PRKCI: variants seen among roughly 807,000 people sequenced by gnomAD.
PRKCI encodes the protein protein kinase C iota.
Under a neutral mutation model 84.0 loss-of-function variants are expected in PRKCI, and 43 were observed. The ratio of observed to expected loss-of-function variants is 0.51; its 90% CI spans 0.40 to 0.66. PRKCI has a LOEUF of 0.66. PRKCI is among the 30% of genes least tolerant of loss of function. The pLI is 0.00. For synonymous variants in PRKCI, 216 were observed against 234.4 expected (o/e 0.92, Z 0.72); for missense variants, 459 against 745.6 (o/e 0.62, Z 4.48).
intron 2 of PRKCI, among the ~76,000 whole-genome samples, chr3:170,249,309 G>A (rs562317865): frequency 6.6e-6 from 1 of 151,932 alleles, no homozygotes; most frequent in South Asian, 2.1e-4. Context: ...AGGGAAATTT[G>A]GACTTAAGGT....
Position 170,281,168 on chromosome 3 carries a change from T to C in PRKCI, c.885T>C (p.Asp295=). 1 of 1,611,716 alleles carries C rather than the reference T, an allele frequency of 6.2e-7. No homozygotes were observed. Residue 295 remains aspartate, a splice_region_variant and synonymous_variant, in exon 10 of 18, where the codon GAT becomes GAC. Transcript: ENST00000295797. ...VKKELVNDDE[D]IDWVQTEKHV... ...ATTTCTTACATGTTTCAAAATAGGA[T>C]ATTGATTGGGTACAGACAGAGAAGC...
chr3:170,246,494 A>G (rs551289655), intron 2 of PRKCI, among the ~76,000 whole-genome samples: 4 of 151,770 alleles, frequency 2.6e-5, no homozygotes, highest in African/African-American at 7.2e-5. Flanking sequence ...GAGTCTTGCT[A>G]TGTTGCCCAG....
At chr3:170,238,935 A>G (rs565289009) in intron 2 of PRKCI, among the ~76,000 whole-genome samples, 42 of 151,048 alleles carry the variant, frequency 2.8e-4, no homozygotes, top group African/African-American at 7.3e-4. Flanking sequence ...GGTTCTCACT[A>G]TGTTGCCCAG....
At chr3:170,274,652 G>GT (rs1418741682) in intron 7 of PRKCI, among the ~76,000 whole-genome samples, 1 of 152,056 alleles carries the variant, frequency 6.6e-6, no homozygotes, top group Non-Finnish European at 1.5e-5. Flanking sequence ...AAACAAGGGA[G>GT]TTTTTCTGGA....
At chr3:170,296,117 G>A in intron 15 of PRKCI, 127 bp downstream of exon 15, 1 of 470,604 alleles carries the variant, frequency 2.1e-6, no homozygotes, top group Non-Finnish European at 3.7e-6. Context: ...GTTTGACCCA[G>A]AATTTGTCTC....
chr3:170,234,946 T>G (rs1732930290), intron 1 of PRKCI, among the ~76,000 whole-genome samples: 1 of 151,928 alleles, frequency 6.6e-6, no homozygotes, highest in African/African-American at 2.4e-5. Flanking sequence ...GGCTAATTTT[T>G]TTTTTGTATT....
chr3:170,280,462 T>G, intron 9 of PRKCI, 59 bp downstream of exon 9: 6 of 1,474,026 alleles, frequency 4.1e-6, no homozygotes, highest in Non-Finnish European at 5.5e-6. Flanking sequence ...CTTTTTTTTT[T>G]TTGAAACGGA....
intron 14 of PRKCI, among the ~76,000 whole-genome samples, chr3:170,294,737 C>T (rs866737460): frequency 3.9e-5 from 6 of 152,060 alleles, no homozygotes; most frequent in Admixed American, 2.0e-4. Context: ...GAAACTGAGG[C>T]ATAATTAGGT....
At chr3:170,254,404 A>G (rs1483049978) in intron 2 of PRKCI, among the ~76,000 whole-genome samples, 2 of 152,164 alleles carry the variant, frequency 1.3e-5, no homozygotes, top group African/African-American at 2.4e-5. Flanking sequence ...GAGAGTTTCC[A>G]CAGTTTTTTC....
intron 5 of PRKCI, 123 bp downstream of exon 5, chr3:170,268,123 C>A: frequency 1.4e-6 from 1 of 708,008 alleles, no homozygotes. Flanking sequence ...GTAGCATGAC[C>A]TTACATTTCC....
intron 13 of PRKCI, among the ~76,000 whole-genome samples, chr3:170,292,897 C>T (rs189065404): frequency 8.0e-5 from 12 of 149,874 alleles, no homozygotes; most frequent in East Asian, 2.0e-4. Flanking sequence ...AAAAATTAGC[C>T]GGGCGTGTTC....
At chr3:170,289,277 T>C (rs933941898) in intron 12 of PRKCI, among the ~76,000 whole-genome samples, 4 of 152,210 alleles carry the variant, frequency 2.6e-5, no homozygotes, top group Non-Finnish European at 5.9e-5. Flanking sequence ...AAAAATAGCA[T>C]ATAATATCCC....
intron 12 of PRKCI, among the ~76,000 whole-genome samples, chr3:170,289,504 G>A (rs982362340): frequency 6.6e-6 from 1 of 152,172 alleles, no homozygotes; most frequent in African/African-American, 2.4e-5. Context: ...GCCGGGCACA[G>A]TGCTCACGCC....
intron 8 of PRKCI, 56 bp from the exon 9 acceptor site, chr3:170,280,171 T>C (rs1196806263): frequency 1.4e-6 from 2 of 1,430,998 alleles, no homozygotes; most frequent in African/African-American, 2.9e-5. Context: ...GTTAGAAATA[T>C]AATGTACTAC....
chr3:170,255,154 G>A (rs528341424), intron 2 of PRKCI, among the ~76,000 whole-genome samples: 58 of 149,312 alleles, frequency 3.9e-4, no homozygotes, highest in African/African-American at 1.2e-3. Flanking sequence ...TCCACCTCCC[G>A]GGTTCAAGTG....
chr3:170,266,262 A>G (rs1347496810), intron 4 of PRKCI, among the ~76,000 whole-genome samples: 1 of 152,226 alleles, frequency 6.6e-6, no homozygotes, highest in East Asian at 1.9e-4. Context: ...GGGGAAAAAG[A>G]TATGCTTCTG....
At position 170,302,417 on chromosome 3, in the gene PRKCI, TGAAG is replaced by T. The variant is rs1243599832; in HGVS notation, c.1704-617_1704-614del. 2.6e-5 allele frequency among the ~76,000 whole-genome samples: 4 copies of T among 152,182 alleles called. No homozygotes were observed. In the East Asian group the frequency reaches 7.7e-4, roughly 29 times the overall value. On this transcript the variant is annotated intron_variant, in intron 17 of 17. Coordinates refer to ENST00000295797, the MANE Select transcript of PRKCI (RefSeq NM_002740.6). ...TCCAGTAGGAATTACCTCCCTTCCTTGAAGGAAGGGACTGTATCCTCTGTAACTT... is the reference window on the plus strand; with the variant it reads ...TCCAGTAGGAATTACCTCCCTTCCTTGAAGGGACTGTATCCTCTGTAACTT...
At chr3:170,270,296 T>G in intron 5 of PRKCI, 125 bp from the exon 6 acceptor site, 2 of 934,914 alleles carry the variant, frequency 2.1e-6, no homozygotes, top group South Asian at 7.0e-5. Context: ...TGTTTTGCTT[T>G]TGTTTTTGTT....
intron 1 of PRKCI, among the ~76,000 whole-genome samples, chr3:170,229,577 A>G (rs1184205249): frequency 6.6e-6 from 1 of 152,200 alleles, no homozygotes; most frequent in East Asian, 1.9e-4. Flanking sequence ...AATTACAGGC[A>G]TGAGCCATTG....
Sources: allele counts gnomAD v4.1 joint callset (sites outside exome capture counted in the v4.1 genomes callset), GRCh38; gene constraint gnomAD v4.1.1; transcripts MANE v1.5; gene names NCBI Gene and HGNC (gene_info 2026-07-23, HGNC 2026-07-21).